Variants in COL8A1 observed in about 807,000 individuals in gnomAD.
COL8A1 encodes collagen type VIII alpha 1 chain, also known as collagen alpha-1(VIII) chain.
A neutral mutation model predicts 42.7 loss-of-function variants in COL8A1; 21 were observed. The observed-to-expected ratio is 0.49, with a 90% CI of 0.35 to 0.71. The LOEUF is 0.71. Ranked by LOEUF, COL8A1 falls within the 30% of genes least tolerant of loss-of-function variation. The probability of loss-of-function intolerance (pLI) is 0.01; values close to 1 mark genes in which losing one functional copy is unlikely to be tolerated. For synonymous variants in COL8A1, 367 were observed against 369.1 expected, an observed-to-expected ratio of 0.99 and a Z score of 0.06; for missense variants, 788 against 962.4, an observed-to-expected ratio of 0.82 and a Z score of 2.40.
At chr3:99,726,291 A>T (rs1311153100) in intron 1 of COL8A1, among the ~76,000 whole-genome samples, 1 of 151,692 alleles carries the variant, frequency 6.6e-6, no homozygotes, top group East Asian at 1.9e-4. Flanking sequence ...GTTTGAGTTC[A>T]TTGTAGATTC....
chr3:99,647,030 CA>C (rs1326971859), intron 1 of COL8A1, among the ~76,000 whole-genome samples: 4 of 152,150 alleles, frequency 2.6e-5, no homozygotes, highest in African/African-American at 9.7e-5. Context: ...AGTGTTTATA[CA>C]GAAAAAAGTT....
At position 99,796,149 on chromosome 3, in the gene COL8A1, A is replaced by G. The variant is rs767133064; in HGVS notation, c.*13A>G. 2 of 1,460,898 alleles carry G rather than the reference A, an allele frequency of 1.4e-6. No homozygotes were observed. Among genetic ancestry groups the G allele is most frequent in the Non-Finnish European group, 1.8e-6 (2 of 1,102,060 alleles). 90.5% of individuals were successfully genotyped at this position (1,460,898 alleles called of 1,614,324 possible). ...GTATCCCATGTAAAAACAAAAAAAC[A>G]AAAAACAAAGAAAAGAAAGAGATTT... On this transcript the variant is annotated 3_prime_UTR_variant, in exon 4 of 4. Coordinates refer to ENST00000652472, the MANE Select transcript of COL8A1 (RefSeq NM_020351.4).
intron 1 of COL8A1, among the ~76,000 whole-genome samples, chr3:99,665,953 A>C (rs540584570): frequency 6.6e-6 from 1 of 151,988 alleles, no homozygotes; most frequent in Non-Finnish European, 1.5e-5. Flanking sequence ...GGACTCCTAA[A>C]GTGCTGGGAT....
intron 1 of COL8A1, among the ~76,000 whole-genome samples, chr3:99,669,287 T>C (rs1938471216): frequency 6.6e-6 from 1 of 151,396 alleles, no homozygotes; most frequent in Non-Finnish European, 1.5e-5. Context: ...GGCAGTAGAA[T>C]CACAGGAGAT....
chr3:99,665,724 C>G (rs1024850966), intron 1 of COL8A1, among the ~76,000 whole-genome samples: 2 of 142,788 alleles, frequency 1.4e-5, no homozygotes, highest in Admixed American at 7.1e-5. Context: ...TCTTTTTGCC[C>G]GGGCTGGAGG....
intron 1 of COL8A1, among the ~76,000 whole-genome samples, chr3:99,658,058 C>A (rs543298594): frequency 3.4e-5 from 5 of 148,046 alleles, no homozygotes; most frequent in Non-Finnish European, 7.4e-5. Flanking sequence ...ACCCAGGAGG[C>A]GGAGGCTGCA....
intron 1 of COL8A1, among the ~76,000 whole-genome samples, chr3:99,744,243 C>CTT (rs1940970429): frequency 1.3e-5 from 2 of 152,170 alleles, no homozygotes; most frequent in South Asian, 2.1e-4. Context: ...ATTTCTTAAA[C>CTT]AAGTTCCTGT....
At chr3:99,726,702 G>C (rs1174587622) in intron 1 of COL8A1, among the ~76,000 whole-genome samples, 1 of 151,864 alleles carries the variant, frequency 6.6e-6, no homozygotes, top group Non-Finnish European at 1.5e-5. Context: ...TCTCAGGTTT[G>C]TCAAAGATCA....
intron 1 of COL8A1, among the ~76,000 whole-genome samples, chr3:99,726,754 C>A (rs1301420072): frequency 1.3e-5 from 2 of 151,832 alleles, no homozygotes; most frequent in Non-Finnish European, 2.9e-5. Context: ...GGGCTCTGTT[C>A]TGTTCCATTG....
intron 1 of COL8A1, among the ~76,000 whole-genome samples, chr3:99,696,405 G>C (rs902142926): frequency 6.6e-6 from 1 of 152,164 alleles, no homozygotes; most frequent in East Asian, 1.9e-4. Context: ...TCTGCTAGGG[G>C]CCCCTACCAG....
intron 1 of COL8A1, among the ~76,000 whole-genome samples, chr3:99,641,741 G>A (rs1937510917): frequency 6.6e-6 from 1 of 152,140 alleles, no homozygotes; most frequent in Admixed American, 6.5e-5. Context: ...AACCCTCTGG[G>A]AGCTAGGTGT....
In COL8A1 at chr3:99,729,264, T is replaced by C. The variant is rs9837204; in HGVS notation, c.-128-15633T>C. Among the ~76,000 whole-genome samples the C allele has an allele frequency of 4.7e-3, 718 of 152,152 alleles. 5 individuals are homozygous for C. Among genetic ancestry groups the C allele is most frequent in the African/African-American group, 0.016 (675 of 41,550 alleles). ...CTCTCTAAGCTGATGTTGCTTTTTC[T>C]CAAATTTACTTACATATTGAAGTGT... On this transcript the variant is annotated intron_variant, in intron 1 of 3. Coordinates refer to ENST00000652472, the MANE Select transcript of COL8A1 (RefSeq NM_020351.4).
chr3:99,711,884 T>G (rs1044361864), intron 1 of COL8A1, among the ~76,000 whole-genome samples: 2 of 152,148 alleles, frequency 1.3e-5, no homozygotes, highest in Non-Finnish European at 2.9e-5. Flanking sequence ...TAATGATGAT[T>G]TATGTCTATC....
chr3:99,669,151 G>GGAGAGAGAGA (rs36015819), intron 1 of COL8A1, among the ~76,000 whole-genome samples: 1 of 114,060 alleles, frequency 8.8e-6, no homozygotes, highest in Non-Finnish European at 1.8e-5. Context: ...ATATATAGAG[G>GGAGAGAGAGA]GAGAGAGAGA....
At chr3:99,772,510 G>A (rs190612739) in intron 2 of COL8A1, among the ~76,000 whole-genome samples, 23 of 152,236 alleles carry the variant, frequency 1.5e-4, no homozygotes, top group African/African-American at 4.3e-4. Context: ...GCAACATTGC[G>A]GAGCAGGATG....
At chr3:99,670,659 A>G (rs1054921617) in intron 1 of COL8A1, among the ~76,000 whole-genome samples, 1 of 152,016 alleles carries the variant, frequency 6.6e-6, no homozygotes, top group African/African-American at 2.4e-5. Flanking sequence ...ATTTTGAACT[A>G]TACAACACAT....
At chr3:99,742,759 A>T (rs1940929159) in intron 1 of COL8A1, among the ~76,000 whole-genome samples, 1 of 152,208 alleles carries the variant, frequency 6.6e-6, no homozygotes, top group African/African-American at 2.4e-5. Flanking sequence ...TGGGTCTGGG[A>T]AAGTTGTTCA....
intron 1 of COL8A1, among the ~76,000 whole-genome samples, chr3:99,646,904 C>G (rs1000030487): frequency 2.0e-5 from 3 of 152,192 alleles, no homozygotes; most frequent in Non-Finnish European, 4.4e-5. Flanking sequence ...TCTAAAAACT[C>G]TATTTTAACT....
chr3:99,722,145 C>T (rs1229331924), intron 1 of COL8A1, among the ~76,000 whole-genome samples: 1 of 151,938 alleles, frequency 6.6e-6, no homozygotes, highest in Non-Finnish European at 1.5e-5. Context: ...AAAGGAATTA[C>T]CTGCTAAAGG....
Sources: allele counts gnomAD v4.1 joint callset (sites outside exome capture counted in the v4.1 genomes callset), GRCh38; gene constraint gnomAD v4.1.1; transcripts MANE v1.5; gene names NCBI Gene and HGNC (gene_info 2026-07-23, HGNC 2026-07-21).